PTPRK: variants seen among roughly 807,000 people sequenced by gnomAD.
The protein encoded by PTPRK is receptor-type tyrosine-protein phosphatase kappa.
PTPRK carries 75 observed loss-of-function variants against 178.0 expected under a neutral mutation model. The observed-to-expected ratio is 0.42, with a 90% CI of 0.35 to 0.51. The LOEUF is 0.51. Among genes scored for constraint, PTPRK ranks in the 20% least tolerant of loss-of-function variants. The pLI, the probability that PTPRK is intolerant of heterozygous loss-of-function variation, is 0.02. For synonymous variants in PTPRK, 637 were observed against 620.6 expected (o/e 1.03, Z -0.39); for missense variants, 1,441 against 1,797.8 (o/e 0.80, Z 3.59).
chr6:128,432,816 A>T (rs1283598629), intron 1 of PTPRK, among the ~76,000 whole-genome samples: 1 of 151,840 alleles, frequency 6.6e-6, no homozygotes, highest in East Asian at 1.9e-4. Context: ...TTACATTTTT[A>T]TTATTAATTT....
At chr6:128,136,492 TA>T (rs1325337936) in intron 7 of PTPRK, among the ~76,000 whole-genome samples, 1 of 151,930 alleles carries the variant, frequency 6.6e-6, no homozygotes, top group Non-Finnish European at 1.5e-5. Context: ...TTGATTCAAA[TA>T]TTTTTTTATG....
intron 14 of PTPRK, among the ~76,000 whole-genome samples, chr6:128,007,638 G>A (rs943609848): frequency 6.6e-6 from 1 of 150,818 alleles, no homozygotes; most frequent in African/African-American, 2.4e-5. Flanking sequence ...CCTGGATAGG[G>A]AGAGTTATCA....
At chr6:128,047,280 A>G (rs1184095454) in intron 13 of PTPRK, among the ~76,000 whole-genome samples, 1 of 152,192 alleles carries the variant, frequency 6.6e-6, no homozygotes, top group Non-Finnish European at 1.5e-5. Context: ...GTGAGGAAGG[A>G]CTTATATCAT....
rs138187700 is a variant in PTPRK at position 127,971,907 on chromosome 6, C to T, written c.4269+1115G>A. Among the ~76,000 whole-genome samples the T allele has an allele frequency of 4.2e-3, 642 of 152,208 alleles. 8 individuals are homozygous for T. The highest frequency in any genetic ancestry group is 0.015 in the African/African-American group (617 of 41,542). ...ACCACTATTCATTTAGTTGCTAAGA[C>T]GATCTGAGAGTTCTCCCTCAAAAAT... On this transcript the variant is annotated intron_variant, in intron 29 of 29. Transcript: ENST00000368226.
At chr6:128,494,795 G>A (rs1468023778) in intron 1 of PTPRK, among the ~76,000 whole-genome samples, 1 of 152,180 alleles carries the variant, frequency 6.6e-6, no homozygotes, top group Non-Finnish European at 1.5e-5. Flanking sequence ...GTGTGTGAAA[G>A]AGAATTAGAG....
chr6:128,086,830 G>A (rs1354937793), intron 8 of PTPRK, among the ~76,000 whole-genome samples: 5 of 151,830 alleles, frequency 3.3e-5, no homozygotes, highest in Admixed American at 6.6e-5. Flanking sequence ...AAAAAATTAC[G>A]CTCATAGTAG....
chr6:128,362,291 G>C (rs1467267695), intron 2 of PTPRK, among the ~76,000 whole-genome samples: 1 of 152,096 alleles, frequency 6.6e-6, no homozygotes, highest in African/African-American at 2.4e-5. Context: ...ACAATTGTGA[G>C]GACAGCACCA....
At chr6:128,266,781 T>A (rs1768346) in intron 3 of PTPRK, among the ~76,000 whole-genome samples, 1 of 151,994 alleles carries the variant, frequency 6.6e-6, no homozygotes, top group Non-Finnish European at 1.5e-5. Flanking sequence ...AACTCGGAAG[T>A]TTTTGTGTGC....
chr6:128,413,439 G>A (rs561126269), intron 1 of PTPRK, among the ~76,000 whole-genome samples: 1 of 152,064 alleles, frequency 6.6e-6, no homozygotes, highest in South Asian at 2.1e-4. Context: ...AGCCCACTTA[G>A]TACAATTCTC....
chr6:128,333,046 C>A (rs1039170574), intron 2 of PTPRK, among the ~76,000 whole-genome samples: 2 of 152,082 alleles, frequency 1.3e-5, no homozygotes, highest in Non-Finnish European at 2.9e-5. Context: ...AAAAGAAAAG[C>A]AACTTAAGAG....
intron 20 of PTPRK, 53 bp from the exon 21 acceptor site, chr6:127,990,938 C>A (rs1481952523): frequency 7.4e-6 from 8 of 1,076,942 alleles, no homozygotes; most frequent in Middle Eastern, 2.4e-4. Flanking sequence ...TACTAATTAG[C>A]CAAGGTGATT....
chr6:128,090,385 G>A (rs1389208827), intron 7 of PTPRK, among the ~76,000 whole-genome samples: 2 of 152,062 alleles, frequency 1.3e-5, no homozygotes, highest in African/African-American at 4.8e-5. Flanking sequence ...ATTCTACTCT[G>A]TCATTTATCA....
intron 2 of PTPRK, among the ~76,000 whole-genome samples, chr6:128,354,231 G>GTTTTTTTTTTTATTTTTTTT (rs1833615794): frequency 2.0e-5 from 1 of 49,358 alleles, no homozygotes; most frequent in Non-Finnish European, 3.2e-5. Context: ...TTTTGTTTAT[G>GTTTTTTTTTTTATTTTTTTT]TTTTTTTTTT....
intron 1 of PTPRK, among the ~76,000 whole-genome samples, chr6:128,419,550 A>G (rs1220633529): frequency 6.6e-6 from 1 of 151,868 alleles, no homozygotes; most frequent in Non-Finnish European, 1.5e-5. Context: ...CGGAGCTTGC[A>G]GTGAGCAGAG....
At chr6:128,352,630 G>A (rs1833350013) in intron 2 of PTPRK, among the ~76,000 whole-genome samples, 1 of 152,012 alleles carries the variant, frequency 6.6e-6, no homozygotes, top group Non-Finnish European at 1.5e-5. Context: ...CTTTGCATGT[G>A]GAGTTCCCTC....
intron 3 of PTPRK, among the ~76,000 whole-genome samples, chr6:128,271,986 T>G (rs17351677): frequency 0.049 from 7,478 of 152,074 alleles, 254 homozygotes; most frequent in Non-Finnish European, 0.072. Flanking sequence ...TTAACTATAA[T>G]GAAGTTCTGC....
At chr6:128,409,721 C>T (rs1417446320) in intron 1 of PTPRK, among the ~76,000 whole-genome samples, 1 of 152,074 alleles carries the variant, frequency 6.6e-6, no homozygotes, top group African/African-American at 2.4e-5. Flanking sequence ...GTAATTGAAT[C>T]ATGGAGGCAG....
At chr6:128,221,972 C>T (rs548839833) in intron 5 of PTPRK, among the ~76,000 whole-genome samples, 4 of 152,154 alleles carry the variant, frequency 2.6e-5, no homozygotes, top group East Asian at 3.9e-4. Context: ...GAAGGCCCAC[C>T]ACGCTGCTTA....
chr6:128,372,572 G>C (rs1836438917), intron 2 of PTPRK, among the ~76,000 whole-genome samples: 1 of 152,170 alleles, frequency 6.6e-6, no homozygotes, highest in African/African-American at 2.4e-5. Context: ...AAGCAGGCCA[G>C]AAACCTAAGG....
Sources: gnomAD v4.1 joint callset for allele counts (sites outside exome capture counted in the v4.1 genomes callset) on GRCh38, gnomAD v4.1.1 for gene constraint, MANE v1.5 for transcripts, NCBI Gene and HGNC (gene_info 2026-07-23, HGNC 2026-07-21) for gene names.